Variants in CACNB4 observed in about 807,000 individuals in gnomAD.
The protein encoded by CACNB4 is voltage-dependent L-type calcium channel subunit beta-4.
Under a neutral mutation model 71.2 loss-of-function variants are expected in CACNB4, and 32 were observed. The ratio of observed to expected loss-of-function variants is 0.45; its 90% CI spans 0.34 to 0.60. The LOEUF is 0.60. Ranked by LOEUF, CACNB4 falls within the 20% of genes least tolerant of loss-of-function variation. CACNB4 has a pLI of 0.01. For missense variants in CACNB4, 464 were observed against 647.9 expected (o/e 0.72, Z 3.08); for synonymous variants, 231 against 236.9 (o/e 0.97, Z 0.23).
chr2:151,932,997 G>A (rs1303944578), intron 2 of CACNB4, among the ~76,000 whole-genome samples: 1 of 151,654 alleles, frequency 6.6e-6, no homozygotes, highest in Non-Finnish European at 1.5e-5. Context: ...TCCCTTGCAG[G>A]CTTTAGAAGG....
intron 2 of CACNB4, among the ~76,000 whole-genome samples, chr2:152,019,033 G>C (rs1461383288): frequency 1.3e-5 from 2 of 152,052 alleles, no homozygotes; most frequent in African/African-American, 4.8e-5. Flanking sequence ...CAGGAGAGGG[G>C]AATTCACACA....
intron 2 of CACNB4, among the ~76,000 whole-genome samples, chr2:152,096,518 G>A (rs145053709): frequency 4.4e-4 from 67 of 152,068 alleles, no homozygotes; most frequent in African/African-American, 1.2e-3. Context: ...TTTTTGTGCC[G>A]AAAAATAAGA....
chr2:152,094,088 A>G (rs1469415399), intron 2 of CACNB4, among the ~76,000 whole-genome samples: 1 of 152,266 alleles, frequency 6.6e-6, no homozygotes, highest in Non-Finnish European at 1.5e-5. Flanking sequence ...ATGGGGAGAC[A>G]GAATGTAACA....
chr2:151,839,431 A>C, intron 13 of CACNB4, 52 bp from the exon 14 acceptor site: 1 of 1,399,698 alleles, frequency 7.1e-7, no homozygotes, highest in Non-Finnish European at 9.9e-7. Flanking sequence ...TCATTCATCT[A>C]AACATGTAAA....
chr2:152,098,582 C>A lies in CACNB4; in HGVS notation c.64-169G>T. On this transcript the variant is annotated intron_variant, in intron 1 of 13. Transcript: ENST00000539935. The surrounding 1 kb of genome is among the most constrained non-coding windows in gnomAD (Gnocchi z 5.3). ...AAATACAGCCCCCACCCCCACCCAC[C>A]CACTGCAAGCCTCGACTGCTGAAAA... 9.9e-7 allele frequency: 1 copy of A among 1,009,702 alleles called. No individual in the cohort carries two copies. Among genetic ancestry groups the A allele is most frequent in the Middle Eastern group, 2.1e-4 (1 of 4,654 alleles). The allele number at this position is 1,009,702 out of a possible 1,614,324, so 62.5% of individuals were successfully genotyped here.
intron 2 of CACNB4, among the ~76,000 whole-genome samples, chr2:151,984,303 T>C (rs1681211081): frequency 6.6e-6 from 1 of 152,156 alleles, no homozygotes; most frequent in Non-Finnish European, 1.5e-5. Context: ...TTAGTAGCCT[T>C]TAGGAAAAGG....
chr2:152,064,811 G>A (rs896508939), intron 2 of CACNB4, among the ~76,000 whole-genome samples: 10 of 152,004 alleles, frequency 6.6e-5, no homozygotes, highest in Non-Finnish European at 1.0e-4. Context: ...AAATATATCC[G>A]GGCAAAGAAA....
intron 2 of CACNB4, among the ~76,000 whole-genome samples, chr2:151,954,850 C>CATT (rs774497059): frequency 1.1e-5 from 1 of 94,924 alleles, no homozygotes; most frequent in Admixed American, 1.5e-4. Context: ...CAAGTCAGCA[C>CATT]TTTTTTTTTT....
rs568184502 is a variant in CACNB4, at chr2:151,855,817, T to C, written c.869-442A>G. 6.6e-5 allele frequency among the ~76,000 whole-genome samples: 10 copies of C among 152,340 alleles called. No individual in the cohort carries two copies. The South Asian group carries it at 1.2e-3, about 19-fold the overall frequency. ...ATCAACGAAGTATAAACTAATACTT[T>C]GTGGACATGCTTCTTTTAAAAAAAC... On this transcript the variant is annotated intron_variant, in intron 10 of 13. Transcript: ENST00000539935.
chr2:151,842,318 ATC>A (rs1454651418), intron 12 of CACNB4, among the ~76,000 whole-genome samples: 2 of 110,344 alleles, frequency 1.8e-5, no homozygotes, highest in African/African-American at 3.8e-5. Flanking sequence ...CAATATTTGG[ATC>A]TTTTTTTTTT....
At chr2:151,903,105 T>C (rs896892593) in intron 2 of CACNB4, among the ~76,000 whole-genome samples, 1 of 152,234 alleles carries the variant, frequency 6.6e-6, no homozygotes, top group Admixed American at 6.5e-5. Context: ...GGTATGTTTG[T>C]ATATTTACTA....
chr2:151,844,365 G>A (rs761201966), intron 12 of CACNB4, among the ~76,000 whole-genome samples: 8 of 152,026 alleles, frequency 5.3e-5, no homozygotes, highest in Admixed American at 1.3e-4. Flanking sequence ...TACAAGGAAG[G>A]GGAAGTTACG....
intron 2 of CACNB4, among the ~76,000 whole-genome samples, chr2:152,087,372 C>T (rs778481988): frequency 4.7e-4 from 68 of 143,220 alleles, no homozygotes; most frequent in Non-Finnish European, 9.6e-4. Context: ...GCGGAGGTTG[C>T]GGTGAGCTGA....
intron 2 of CACNB4, among the ~76,000 whole-genome samples, chr2:152,026,912 C>CAT (rs1553815152): frequency 6.8e-6 from 1 of 146,898 alleles, no homozygotes; most frequent in Non-Finnish European, 1.5e-5. Context: ...AATTATCTTT[C>CAT]TTTTTTTTTT....
chr2:151,920,408 G>A (rs983944780), intron 2 of CACNB4, among the ~76,000 whole-genome samples: 1 of 140,150 alleles, frequency 7.1e-6, no homozygotes, highest in Non-Finnish European at 1.5e-5. Context: ...CTGCAGCCTC[G>A]ACCTCTTGGG....
intron 2 of CACNB4, among the ~76,000 whole-genome samples, chr2:151,925,516 A>G (rs757627339): frequency 1.3e-5 from 2 of 152,234 alleles, no homozygotes; most frequent in Non-Finnish European, 2.9e-5. Flanking sequence ...TAAGTCACTT[A>G]TAGGAAAACA....
intron 2 of CACNB4, among the ~76,000 whole-genome samples, chr2:151,945,593 G>C (rs770596065): frequency 1.3e-5 from 2 of 152,164 alleles, no homozygotes; most frequent in Non-Finnish European, 2.9e-5. Flanking sequence ...AGAGGCTCCA[G>C]TGAGCTGTGA....
chr2:152,022,692 A>G (rs1579147344), intron 2 of CACNB4, among the ~76,000 whole-genome samples: 1 of 152,336 alleles, frequency 6.6e-6, no homozygotes, highest in South Asian at 2.1e-4. Flanking sequence ...TCCTACACTT[A>G]GACTCTTGGT....
At chr2:151,863,619 G>T (rs572177395) in intron 9 of CACNB4, among the ~76,000 whole-genome samples, 2 of 152,090 alleles carry the variant, frequency 1.3e-5, no homozygotes, top group Non-Finnish European at 2.9e-5. Flanking sequence ...ACAAACAAGA[G>T]ACTCTTGGTT....
Sources: allele counts gnomAD v4.1 joint callset (sites outside exome capture counted in the v4.1 genomes callset), GRCh38; gene constraint gnomAD v4.1.1; non-coding constraint Gnocchi (gnomAD v3.1); transcripts MANE v1.5; gene names NCBI Gene and HGNC (gene_info 2026-07-23, HGNC 2026-07-21).